FLT1: variants seen among roughly 807,000 people sequenced by gnomAD.
The protein encoded by FLT1 is fms related receptor tyrosine kinase 1, also known as vascular endothelial growth factor receptor 1.
A neutral mutation model predicts 156.3 loss-of-function variants in FLT1; 49 were observed. The observed-to-expected ratio is 0.31, with a 90% CI of 0.25 to 0.40. The LOEUF (loss-of-function observed/expected upper bound fraction) is 0.40, where lower values mean the gene tolerates loss of function less well. Ranked by LOEUF, FLT1 falls within the 10% of genes least tolerant of loss-of-function variation. The pLI, the probability that FLT1 is intolerant of heterozygous loss-of-function variation, is 1.00. For synonymous variants in FLT1, 594 were observed against 583.8 expected (o/e 1.02, Z -0.25); for missense variants, 1,322 against 1,637.2 (o/e 0.81, Z 3.32).
intron 14 of FLT1, among the ~76,000 whole-genome samples, chr13:28,370,781 C>T (rs1219268361): frequency 2.6e-5 from 4 of 152,202 alleles, no homozygotes; most frequent in Non-Finnish European, 4.4e-5. Context: ...ACACTCCTGT[C>T]CCAATTAATC....
At chr13:28,327,756 CAAAAAAA>C (rs56031277) in intron 19 of FLT1, among the ~76,000 whole-genome samples, 30 of 122,764 alleles carry the variant, frequency 2.4e-4, no homozygotes, top group Non-Finnish European at 2.9e-4. Context: ...AATTGAAATA[CAAAAAAA>C]AAAAAAAAAA....
chr13:28,477,605 C>A (rs761460681), intron 1 of FLT1, among the ~76,000 whole-genome samples: 1 of 152,180 alleles, frequency 6.6e-6, no homozygotes, highest in Non-Finnish European at 1.5e-5. Context: ...TGGACACGAA[C>A]AGAGAAAACA....
intron 3 of FLT1, among the ~76,000 whole-genome samples, chr13:28,446,584 T>C: frequency 6.6e-6 from 1 of 152,202 alleles, no homozygotes. Context: ...TTTAGGAATA[T>C]ATTTAACAAA....
At chr13:28,464,814 T>C (rs576429260) in intron 3 of FLT1, among the ~76,000 whole-genome samples, 1 of 152,330 alleles carries the variant, frequency 6.6e-6, no homozygotes, top group East Asian at 1.9e-4. Flanking sequence ...GAGTTAAAGG[T>C]GAAAATAGCT....
At chr13:28,324,919 A>G (rs919000496) in intron 20 of FLT1, among the ~76,000 whole-genome samples, 12 of 152,256 alleles carry the variant, frequency 7.9e-5, no homozygotes, top group African/African-American at 2.9e-4. Context: ...AAATAAAGGT[A>G]ATTTACTGAA....
chr13:28,313,455 T>A (rs1270966698), intron 25 of FLT1, among the ~76,000 whole-genome samples: 1 of 152,166 alleles, frequency 6.6e-6, no homozygotes, highest in East Asian at 1.9e-4. Context: ...GTTTATTATA[T>A]GTTAACTCTT....
At chr13:28,402,090 C>T (rs564097537) in intron 11 of FLT1, among the ~76,000 whole-genome samples, 4 of 152,232 alleles carry the variant, frequency 2.6e-5, no homozygotes, top group Non-Finnish European at 4.4e-5. Context: ...GGCCAAAACT[C>T]GCCAATAAGG....
chr13:28,356,672 C>T lies in FLT1; in HGVS notation c.2248+882G>A, dbSNP rs569144242. Among the ~76,000 whole-genome samples the T allele has an allele frequency of 1.6e-4, 24 of 152,286 alleles. 1 individual carries two copies. The highest frequency in any genetic ancestry group is 2.6e-4 in the Admixed American group (4 of 15,294). Reference sequence around the variant, plus strand: ...TTTCAGGGGGAAAAAAACTGAAGTACGTTGCCTTCTTCCTAGTTCCTCCCC... The same window carrying T: ...TTTCAGGGGGAAAAAAACTGAAGTATGTTGCCTTCTTCCTAGTTCCTCCCC... On this transcript the variant is annotated intron_variant, in intron 15 of 29. Transcript: ENST00000282397.
At chr13:28,435,752 C>T (rs949394734) in intron 4 of FLT1, among the ~76,000 whole-genome samples, 2 of 152,152 alleles carry the variant, frequency 1.3e-5, no homozygotes, top group Admixed American at 6.5e-5. Context: ...AATGTATTAC[C>T]GGTGTTCCTT....
intron 3 of FLT1, 80 bp downstream of exon 3, chr13:28,466,823 A>G (rs921410982): frequency 1.0e-6 from 1 of 1,003,258 alleles, no homozygotes; most frequent in African/African-American, 1.6e-5. Flanking sequence ...TAGGAAAGCA[A>G]CCTTTCCAAT....
intron 3 of FLT1, among the ~76,000 whole-genome samples, chr13:28,464,912 A>T (rs1378142737): frequency 6.6e-6 from 1 of 152,214 alleles, no homozygotes; most frequent in Non-Finnish European, 1.5e-5. Context: ...AACCTATAGG[A>T]GAAAGTTTTA....
intron 17 of FLT1, among the ~76,000 whole-genome samples, chr13:28,334,712 A>T (rs985414662): frequency 2.0e-5 from 3 of 152,262 alleles, no homozygotes; most frequent in African/African-American, 7.2e-5. Flanking sequence ...GGTTCAGCAC[A>T]GGAGCCTGGT....
intron 15 of FLT1, among the ~76,000 whole-genome samples, chr13:28,351,648 C>A (rs1872737330): frequency 6.6e-6 from 1 of 152,106 alleles, no homozygotes; most frequent in Admixed American, 6.6e-5. Context: ...TGCTGTATTC[C>A]CATTATATTT....
intron 13 of FLT1, chr13:28,388,052 T>C: frequency 9.4e-7 from 1 of 1,058,928 alleles, no homozygotes; most frequent in Non-Finnish European, 1.1e-6. Flanking sequence ...TGTTAGCAAC[T>C]ATTAAGGCCC....
At chr13:28,351,448 A>G (rs891755705) in intron 15 of FLT1, among the ~76,000 whole-genome samples, 3 of 152,180 alleles carry the variant, frequency 2.0e-5, no homozygotes, top group African/African-American at 7.2e-5. Flanking sequence ...AAGCCACTCA[A>G]CCAGTGCCAT....
In FLT1 at chr13:28,473,710, GAAA is replaced by G. The variant is rs1367598413; in HGVS notation, c.65-6096_65-6094del. On this transcript the variant is annotated intron_variant, in intron 1 of 29. Transcript: ENST00000282397. ...GAGAGAGAGAAAGAAAAGAAAGAAA[GAAA>G]GAAAGAAAGAAAGAAAGAAGGAAGG... 4.3e-3 allele frequency among the ~76,000 whole-genome samples: 310 copies of G among 71,718 alleles called. 7 individuals carry two copies. The highest frequency in any genetic ancestry group is 0.019 in the African/African-American group (285 of 15,048). The allele number at this position is 71,718 out of a possible 152,430, so 47.0% of individuals were successfully genotyped here.
At chr13:28,350,276 C>G (rs1007089993) in intron 15 of FLT1, among the ~76,000 whole-genome samples, 1 of 152,158 alleles carries the variant, frequency 6.6e-6, no homozygotes, top group East Asian at 1.9e-4. Flanking sequence ...GGGATACTGA[C>G]AAGAATATAG....
intron 20 of FLT1, among the ~76,000 whole-genome samples, chr13:28,326,105 G>A (rs1871667893): frequency 1.3e-5 from 2 of 152,148 alleles, no homozygotes; most frequent in Non-Finnish European, 2.9e-5. Flanking sequence ...TATCTTAGTA[G>A]GTCAATGATG....
In FLT1 at chr13:28,405,719, T is replaced by C. The variant is rs913958990; in HGVS notation, c.1551+61A>G. On this transcript the variant is annotated intron_variant, in intron 11 of 29. Coordinates refer to ENST00000282397, the MANE Select transcript of FLT1 (RefSeq NM_002019.4). ...ACTTCTGGTGCCAATAAACCTAGAA[T>C]TGGGAGCTGAGAGTGTATTTGTGGA... The C allele has an allele frequency of 5.3e-6, 5 of 950,586 alleles. No homozygotes were observed. In the African/African-American group the frequency reaches 6.4e-5, roughly 12 times the overall value. 58.9% of individuals were successfully genotyped at this position (950,586 alleles called of 1,614,324 possible). A position where few individuals can be genotyped will look rare whatever the true frequency, so the allele number is the denominator to read the frequency against.
Sources: allele counts gnomAD v4.1 joint callset (sites outside exome capture counted in the v4.1 genomes callset), GRCh38; gene constraint gnomAD v4.1.1; transcripts MANE v1.5; gene names NCBI Gene and HGNC (gene_info 2026-07-23, HGNC 2026-07-21).